The following ARHGAP26 variants were observed in gnomAD, a reference collection of about 807,000 sequenced individuals.
ARHGAP26 encodes rho GTPase-activating protein 26.
ARHGAP26 carries 38 observed loss-of-function variants against 104.8 expected under a neutral mutation model. That is an observed-to-expected ratio of 0.36 (90% confidence interval 0.28 to 0.48). The LOEUF (loss-of-function observed/expected upper bound fraction) is 0.48. Among genes scored for constraint, ARHGAP26 ranks in the 20% least tolerant of loss-of-function variants. The probability of loss-of-function intolerance (pLI) is 0.99; values close to 1 mark genes in which losing one functional copy is unlikely to be tolerated. For synonymous variants in ARHGAP26, 341 were observed against 340.0 expected, an observed-to-expected ratio of 1.00 and a Z score of -0.03; for missense variants, 704 against 947.9, an observed-to-expected ratio of 0.74 and a Z score of 3.38.
intron 11 of ARHGAP26, among the ~76,000 whole-genome samples, chr5:142,933,136 C>A (rs1159638160): frequency 6.6e-6 from 1 of 152,120 alleles, no homozygotes; most frequent in Non-Finnish European, 1.5e-5. Flanking sequence ...CCCATAGGAA[C>A]CCTCAAAACC....
chr5:143,185,308 G>C (rs1320822047), intron 20 of ARHGAP26, among the ~76,000 whole-genome samples: 1 of 151,992 alleles, frequency 6.6e-6, no homozygotes, highest in Non-Finnish European at 1.5e-5. Flanking sequence ...TGGAGTAGGA[G>C]TACTGATAAG....
intron 17 of ARHGAP26, among the ~76,000 whole-genome samples, chr5:143,067,344 C>T (rs1787646057): frequency 6.6e-6 from 1 of 152,154 alleles, no homozygotes. Flanking sequence ...CCAGTTTCCC[C>T]CTGGGAGCAG....
chr5:142,971,711 T>G (rs1237134236), intron 11 of ARHGAP26, among the ~76,000 whole-genome samples: 1 of 152,178 alleles, frequency 6.6e-6, no homozygotes, highest in Non-Finnish European at 1.5e-5. Context: ...ATTATCCCTG[T>G]TTTGCATTTC....
At chr5:143,057,617 T>A in intron 16 of ARHGAP26, 25 bp from the exon 17 acceptor site, 2 of 1,598,952 alleles carry the variant, frequency 1.3e-6, no homozygotes, top group Non-Finnish European at 1.7e-6. Context: ...ACTGATAAGA[T>A]ATTACCTCCC....
rs1290107139 is a variant in ARHGAP26 at position 143,225,098 on chromosome 5, C to T, written c.*2652C>T. On this transcript the variant is annotated 3_prime_UTR_variant, in exon 23 of 23. Transcript: ENST00000645722. ...ACAAGAAGACCTTGGGAAATGGAGG[C>T]CTCAGGGGATGTGCATTCACATACT... 1 of 224,178 alleles carries T rather than the reference C, an allele frequency of 4.5e-6. No individual in the cohort carries two copies. The highest frequency in any genetic ancestry group is 8.9e-6 in the Non-Finnish European group (1 of 112,424). The allele number at this position is 224,178 out of a possible 1,614,324, so 13.9% of individuals were successfully genotyped here. A position where few individuals can be genotyped will look rare whatever the true frequency, so the allele number is the denominator to read the frequency against.
At chr5:142,918,649 C>G (rs555215901) in intron 10 of ARHGAP26, among the ~76,000 whole-genome samples, 7 of 151,786 alleles carry the variant, frequency 4.6e-5, no homozygotes, top group Non-Finnish European at 8.8e-5. Flanking sequence ...TTTTTCAGAA[C>G]TAGTTTTTGG....
rs920017255 is a variant in ARHGAP26, at chr5:142,869,368, C to T, written c.155-4032C>T. On this transcript the variant is annotated intron_variant, in intron 1 of 22. Coordinates refer to ENST00000645722, the MANE Select transcript of ARHGAP26 (RefSeq NM_001135608.3). ...GATTACAGGTGCACACCAGTACACC[C>T]GGCTATTTTATTTTATTTTTTTTTG... Among the ~76,000 whole-genome samples, 5 of 148,154 alleles carry T rather than the reference C, an allele frequency of 3.4e-5. No homozygotes were observed. In the East Asian group the frequency reaches 6.5e-4, roughly 19 times the overall value.
intron 11 of ARHGAP26, among the ~76,000 whole-genome samples, chr5:143,000,398 A>G (rs1777024946): frequency 6.6e-6 from 1 of 152,280 alleles, no homozygotes; most frequent in African/African-American, 2.4e-5. Flanking sequence ...AGGAATTGAT[A>G]AAACTATGGT....
At chr5:142,864,197 CTGTGA>C (rs1358834712) in intron 1 of ARHGAP26, among the ~76,000 whole-genome samples, 1 of 152,174 alleles carries the variant, frequency 6.6e-6, no homozygotes, top group Non-Finnish European at 1.5e-5. Flanking sequence ...TACTTCAGGC[CTGTGA>C]ACGCTGTCAG....
At chr5:143,175,016 A>G (rs1371310547) in intron 20 of ARHGAP26, among the ~76,000 whole-genome samples, 1 of 152,244 alleles carries the variant, frequency 6.6e-6, no homozygotes, top group Admixed American at 6.5e-5. Context: ...AGCTACAGGA[A>G]GGATGCCAGA....
intron 9 of ARHGAP26, among the ~76,000 whole-genome samples, chr5:142,909,146 G>A (rs1245215958): frequency 6.6e-6 from 1 of 151,908 alleles, no homozygotes; most frequent in Non-Finnish European, 1.5e-5. Flanking sequence ...CCATTCTATT[G>A]TCTCCCTCTG....
At chr5:143,168,616 T>C (rs1290335760) in intron 20 of ARHGAP26, 1 of 152,166 alleles carries the variant, frequency 6.6e-6, no homozygotes, top group Non-Finnish European at 1.5e-5. Context: ...TAAGCTGTAT[T>C]CCTCTTCTGT....
At chr5:142,955,122 ACACC>A (rs1422636332) in intron 11 of ARHGAP26, among the ~76,000 whole-genome samples, 22 of 151,214 alleles carry the variant, frequency 1.5e-4, no homozygotes, top group East Asian at 5.9e-4. Context: ...ACACACACAC[ACACC>A]CCCCATCTCT....
intron 1 of ARHGAP26, among the ~76,000 whole-genome samples, chr5:142,797,840 C>A (rs981810473): frequency 2.0e-5 from 3 of 152,326 alleles, no homozygotes; most frequent in Non-Finnish European, 4.4e-5. Context: ...CTTTAATGTG[C>A]ATCCAGATTG....
At chr5:143,043,898 C>A (rs1048934962) in intron 14 of ARHGAP26, among the ~76,000 whole-genome samples, 57 of 152,234 alleles carry the variant, frequency 3.7e-4, no homozygotes, top group Middle Eastern at 3.4e-3. Context: ...AATTCCAATT[C>A]ATGAAGTATT....
intron 17 of ARHGAP26, chr5:143,103,349 G>A (rs559102791): frequency 9.0e-5 from 40 of 445,812 alleles, no homozygotes; most frequent in Non-Finnish European, 1.2e-4. Context: ...GTTGGTGGGA[G>A]TGTAAATTAG....
chr5:142,825,638 G>A (rs1258451815), intron 1 of ARHGAP26, among the ~76,000 whole-genome samples: 1 of 152,186 alleles, frequency 6.6e-6, no homozygotes, highest in African/African-American at 2.4e-5. Flanking sequence ...ATTCCTTAGC[G>A]GGACGATACA....
intron 1 of ARHGAP26, among the ~76,000 whole-genome samples, chr5:142,840,701 G>GCCTCTTCTCTGAGGTCC (rs1429676804): frequency 6.6e-6 from 1 of 152,172 alleles, no homozygotes; most frequent in Non-Finnish European, 1.5e-5. Context: ...GTTTCACTTA[G>GCCTCTTCTCTGAGGTCC]CCTCTTCTCT....
chr5:143,165,885 A>T (rs1338892824), intron 20 of ARHGAP26: 1 of 357,490 alleles, frequency 2.8e-6, no homozygotes, highest in Non-Finnish European at 5.0e-6. Context: ...TTAAATGGAA[A>T]CAGTAGTAGT....
Sources: gnomAD v4.1 joint callset for allele counts (sites outside exome capture counted in the v4.1 genomes callset) on GRCh38, gnomAD v4.1.1 for gene constraint, MANE v1.5 for transcripts, NCBI Gene and HGNC (gene_info 2026-07-23, HGNC 2026-07-21) for gene names.